Variants in NBEAL1 observed in about 807,000 individuals in gnomAD.
The protein encoded by NBEAL1 is neurobeachin like 1.
Under a neutral mutation model 351.3 loss-of-function variants are expected in NBEAL1, and 273 were observed. The observed-to-expected ratio is 0.78, with a 90% CI of 0.70 to 0.86. The LOEUF (loss-of-function observed/expected upper bound fraction) is 0.86. NBEAL1 is among the 40% of genes least tolerant of loss of function. The probability of loss-of-function intolerance (pLI) is 0.00; values close to 1 mark genes in which losing one functional copy is unlikely to be tolerated. For missense variants in NBEAL1, 2,961 were observed against 3,201.3 expected (o/e 0.92, Z 1.81); for synonymous variants, 1,050 against 1,086.4 (o/e 0.97, Z 0.66).
At chr2:203,157,906 C>T in intron 36 of NBEAL1, 81 bp downstream of exon 36, 1 of 1,170,022 alleles carries the variant, frequency 8.5e-7, no homozygotes, top group Non-Finnish European at 1.2e-6. Flanking sequence ...GAAATTCTAA[C>T]ACCATGTATT....
intron 7 of NBEAL1, among the ~76,000 whole-genome samples, chr2:203,072,690 C>G (rs540723412): frequency 6.6e-6 from 1 of 152,260 alleles, no homozygotes; most frequent in South Asian, 2.1e-4. Flanking sequence ...ATCCCCTTTC[C>G]ACTAGTTTTC....
At chr2:203,198,050 C>T (rs375720553) in intron 48 of NBEAL1, among the ~76,000 whole-genome samples, 25 of 121,360 alleles carry the variant, frequency 2.1e-4, no homozygotes, top group African/African-American at 7.9e-4. Context: ...GACAGAGTCT[C>T]ACTCTGTCAC....
At chr2:203,193,122 C>T (rs1357458843) in intron 46 of NBEAL1, among the ~76,000 whole-genome samples, 1 of 151,836 alleles carries the variant, frequency 6.6e-6, no homozygotes, top group East Asian at 1.9e-4. Flanking sequence ...TAGGTGCACA[C>T]CACTACGCCT....
At position 203,209,713 on chromosome 2, in the gene NBEAL1, A is replaced by ATGTGTGTGTGTGTGTGTGTG. The variant is rs56169732; in HGVS notation, c.7785+405_7785+424dup. ...TGACATCACTATTTATTTAATTAAT[A>ATGTGTGTGTGTGTGTGTGTG]TGTGTGTGTGTGTGTGTGTGTGTGT... is the stretch of plus-strand genomic sequence containing the variant. On this transcript the variant is annotated intron_variant, in intron 53 of 55. Transcript: ENST00000683969. Among the ~76,000 whole-genome samples, 244 of 138,678 alleles carry ATGTGTGTGTGTGTGTGTGTG rather than the reference A, an allele frequency of 1.8e-3. 1 individual carries two copies. Among genetic ancestry groups the ATGTGTGTGTGTGTGTGTGTG allele is most frequent in the African/African-American group, 5.1e-3 (192 of 37,342 alleles). The allele number at this position is 138,678 out of a possible 152,430, so 91.0% of individuals were successfully genotyped here.
At chr2:203,152,135 T>C (rs927288016) in intron 35 of NBEAL1, among the ~76,000 whole-genome samples, 2 of 151,678 alleles carry the variant, frequency 1.3e-5, no homozygotes, top group Non-Finnish European at 2.9e-5. Flanking sequence ...TTTTTGTATT[T>C]TTAGTAGAGA....
At chr2:203,042,827 C>G (rs952364701) in intron 3 of NBEAL1, among the ~76,000 whole-genome samples, 1 of 152,110 alleles carries the variant, frequency 6.6e-6, no homozygotes, top group Non-Finnish European at 1.5e-5. Flanking sequence ...ACCTCATGAT[C>G]CACCTGCCTC....
Position 203,157,815 on chromosome 2 carries a change from A to G in NBEAL1, c.5704A>G (p.Arg1902Gly), listed in dbSNP as rs2063836395. Residue 1902 changes from arginine (R) to glycine (G), a missense_variant, in exon 36 of 56, where the codon AGA becomes GGA. Coordinates refer to ENST00000683969, the MANE Select transcript of NBEAL1 (RefSeq NM_001378026.1). Reference protein sequence around the residue: ...LDLPEEDITARVNVDEKEEQD... With the variant: ...LDLPEEDITAGVNVDEKEEQD... ...CCTTCCTGAAGAGGATATAACAGCT[A>G]GAGTAAATGTGTATGTATAAATATT... 13 of 1,544,624 alleles carry G rather than the reference A, an allele frequency of 8.4e-6. No individual in the cohort carries two copies. The highest frequency in any genetic ancestry group is 1.1e-5 in the Non-Finnish European group (13 of 1,150,740).
rs542991323 is a variant in NBEAL1, at chr2:203,064,343, G to A, written c.516-4050G>A. On this transcript the variant is annotated intron_variant, in intron 6 of 55. Transcript: ENST00000683969. The stretch of plus-strand genomic sequence containing the variant: ...GCTAGGATTACAGGTGTGAGCCACT[G>A]CGCCCGGCCATGTGTATGGTTTTAA... Among the ~76,000 whole-genome samples, 5 of 152,268 alleles carry A rather than the reference G, an allele frequency of 3.3e-5. No homozygotes were observed. In the East Asian group the frequency reaches 9.6e-4, roughly 29 times the overall value.
Position 203,125,403 on chromosome 2 carries a change from CA to C in NBEAL1, c.2737del (p.Ile913SerfsTer22). On this transcript the variant is annotated frameshift_variant, in exon 20 of 56. Transcript: ENST00000683969. LOFTEE classifies it high-confidence loss of function. ...GLNVLFPLLE[Q>X]ISHFSEGQIP... ...AAATGTACTCTTTCCTTTATTGGAA[CA>C]AATCAGCCACTTTAGTGAAGGACAG... is the stretch of plus-strand genomic sequence containing the variant. 2 of 1,547,002 alleles carry C rather than the reference CA, an allele frequency of 1.3e-6. No individual in the cohort carries two copies. Among genetic ancestry groups the C allele is most frequent in the Non-Finnish European group, 1.7e-6 (2 of 1,145,012 alleles).
In NBEAL1 at chr2:203,051,318, G is replaced by A. The variant is rs1457108770; in HGVS notation, c.305+1343G>A. 6.6e-5 allele frequency among the ~76,000 whole-genome samples: 10 copies of A among 152,160 alleles called. No homozygotes were observed. The East Asian group carries it at 1.9e-3, about 29-fold the overall frequency. ...CAGCACTTTGGAAGGCCGAGGAGGTGGATCGCTTGAGGTCAGGAGTTTGAG... is the reference window on the plus strand; with the variant it reads ...CAGCACTTTGGAAGGCCGAGGAGGTAGATCGCTTGAGGTCAGGAGTTTGAG... On this transcript the variant is annotated intron_variant, in intron 4 of 55. Transcript: ENST00000683969.
Position 203,126,826 on chromosome 2 carries a change from C to A in NBEAL1, c.3148C>A (p.His1050Asn). The A allele has an allele frequency of 6.4e-7, 1 of 1,550,520 alleles. No individual in the cohort carries two copies. The highest frequency in any genetic ancestry group is 1.2e-5 in the South Asian group (1 of 83,648). ...TACCATTGAACTTTTTATTTTAGGT[C>A]ACATACAGTATCTTTCAACCATCAT... Reference protein sequence around the residue: ...NRGDFPFRIGHIQYLSTIIKD... With the variant: ...NRGDFPFRIGNIQYLSTIIKD... The change falls in exon 23 of 56, where the codon CAC becomes AAC. Residue 1050 changes from histidine (H) to asparagine (N), a missense_variant and splice_region_variant. Physicochemically the swap from His to Asn is moderately conservative, Grantham distance 68 (BLOSUM62 1). Coordinates refer to ENST00000683969, the MANE Select transcript of NBEAL1 (RefSeq NM_001378026.1).
intron 18 of NBEAL1, among the ~76,000 whole-genome samples, chr2:203,117,643 G>T (rs966642691): frequency 4.6e-5 from 7 of 151,924 alleles, no homozygotes; most frequent in African/African-American, 1.5e-4. Flanking sequence ...GCTTTTATTA[G>T]ATAAGTAAAA....
Position 203,057,377 on chromosome 2 carries a change from G to A in NBEAL1, c.439G>A (p.Glu147Lys), listed in dbSNP as rs1346821421. 1 of 1,552,246 alleles carries A rather than the reference G, an allele frequency of 6.4e-7. No individual in the cohort carries two copies. Among genetic ancestry groups the A allele is most frequent in the South Asian group, 1.2e-5 (1 of 84,178 alleles). Reference sequence around the variant, plus strand: ...AATGGCAGATCAGACATGTATTGAAGAATTTGTGATCCACGCATTGGCATT... The same window carrying A: ...AATGGCAGATCAGACATGTATTGAAAAATTTGTGATCCACGCATTGGCATT... ...KEMADQTCIE[E>K]FVIHALAFCE... The change falls in exon 6 of 56, where the codon GAA becomes AAA. Residue 147 changes from glutamate to lysine, a missense_variant. By Grantham distance (56) the Glu-to-Lys change is moderately conservative (BLOSUM62 1). Coordinates refer to ENST00000683969, the MANE Select transcript of NBEAL1 (RefSeq NM_001378026.1).
In NBEAL1 at chr2:203,132,046, G is replaced by T; in HGVS notation, c.3638G>T (p.Gly1213Val). The change falls in exon 26 of 56, where the codon GGC (glycine) becomes GTC (valine). Residue 1213 changes from glycine to valine, a missense_variant. Gly to Val is a moderately radical substitution (Grantham distance 109, BLOSUM62 -3). Transcript: ENST00000683969. ...CAACATATTCGACTCAGAGAAGTTG[G>T]CTACTCGGGACTGGGACTCCTTCTT... ...SKQHIRLREV[G>V]YSGLGLLLNE... is the part of the protein sequence containing the mutation. 6.4e-7 allele frequency: 1 copy of T among 1,554,468 alleles called. No homozygotes were observed. The highest frequency in any genetic ancestry group is 2.4e-5 in the East Asian group (1 of 42,090).
chr2:203,141,366 A>ATTATTATTAT lies in NBEAL1; in HGVS notation c.4848+2620_4848+2621insATTATTATTT, dbSNP rs1185870312. On this transcript the variant is annotated intron_variant, in intron 31 of 55. Transcript: ENST00000683969. ...GATTATTATTATTATTATTATTATT[A>ATTATTATTAT]TTTTTTTTTTTTTTTTTTTTTTTTT... is the stretch of plus-strand genomic sequence containing the variant. Among the ~76,000 whole-genome samples the ATTATTATTAT allele has an allele frequency of 1.3e-3, 12 of 9,112 alleles. 1 individual carries two copies. The highest frequency in any genetic ancestry group is 0.012 in the East Asian group (4 of 334). The allele number at this position is 9,112 out of a possible 152,430, so 6.0% of individuals were successfully genotyped here.
intron 17 of NBEAL1, among the ~76,000 whole-genome samples, chr2:203,115,062 T>C (rs2062659514): frequency 6.6e-6 from 1 of 152,108 alleles, no homozygotes; most frequent in African/African-American, 2.4e-5. Context: ...TAAATGATCA[T>C]TTTTAATGGT....
intron 40 of NBEAL1, 84 bp from the exon 41 acceptor site, chr2:203,172,645 T>A: frequency 8.1e-7 from 1 of 1,238,722 alleles, no homozygotes; most frequent in Non-Finnish European, 1.1e-6. Context: ...CCTTTTTGTC[T>A]TTAGATAACC....
At chr2:203,024,222 A>G (rs890891403) in intron 2 of NBEAL1, among the ~76,000 whole-genome samples, 2 of 151,738 alleles carry the variant, frequency 1.3e-5, no homozygotes, top group African/African-American at 4.8e-5. Flanking sequence ...AGAAAAAAAG[A>G]AAAAAGTAGT....
chr2:203,083,249 A>G lies in NBEAL1; in HGVS notation c.715A>G (p.Thr239Ala), dbSNP rs761691157. The change falls in exon 9 of 56, where the codon ACT becomes GCT. Residue 239 changes from threonine to alanine, a missense_variant. Physicochemically the swap from Thr to Ala is moderately conservative, Grantham distance 58. Coordinates refer to ENST00000683969, the MANE Select transcript of NBEAL1 (RefSeq NM_001378026.1). ...TGCTTTGCAAGCAATTTCTCCAGCC[A>G]CTATGGAAGTTCTTATGCGAGTATT... ...RNALQAISPA[T>A]MEVLMRVLAD... 1 of 1,551,526 alleles carries G rather than the reference A, an allele frequency of 6.4e-7. No homozygotes were observed. Among genetic ancestry groups the G allele is most frequent in the Non-Finnish European group, 8.7e-7 (1 of 1,146,920 alleles).
Sources: gnomAD v4.1 joint callset for allele counts (sites outside exome capture counted in the v4.1 genomes callset) on GRCh38, gnomAD v4.1.1 for gene constraint, MANE v1.5 for transcripts, NCBI Gene and HGNC (gene_info 2026-07-23, HGNC 2026-07-21) for gene names.